TFPI: variants seen among roughly 807,000 people sequenced by gnomAD.
TFPI encodes the protein tissue factor pathway inhibitor.
Under a neutral mutation model 34.6 loss-of-function variants are expected in TFPI, and 15 were observed. That is an observed-to-expected ratio of 0.43 (90% CI 0.29 to 0.67). The LOEUF (loss-of-function observed/expected upper bound fraction) is 0.67. Ranked by LOEUF, TFPI falls within the 30% of genes least tolerant of loss-of-function variation. The pLI is 0.15. For synonymous variants in TFPI, 105 were observed against 120.1 expected, an observed-to-expected ratio of 0.87 and a Z score of 0.82; for missense variants, 301 against 364.0, an observed-to-expected ratio of 0.83 and a Z score of 1.41.
At chr2:187,499,584 TCTGA>T (rs1358498043) in intron 2 of TFPI, 1 of 152,124 alleles carries the variant, frequency 6.6e-6, no homozygotes, top group Non-Finnish European at 1.5e-5. Context: ...AAGTGGTGTG[TCTGA>T]CTTACAGCAG....
intron 1 of TFPI, among the ~76,000 whole-genome samples, chr2:187,537,455 C>T (rs187272423): frequency 2.0e-5 from 3 of 152,324 alleles, no homozygotes; most frequent in Middle Eastern, 3.4e-3. Flanking sequence ...TCCATCTGAT[C>T]TTTGACACAC....
intron 6 of TFPI, among the ~76,000 whole-genome samples, chr2:187,469,823 A>G (rs772218571): frequency 6.6e-6 from 1 of 152,176 alleles, no homozygotes; most frequent in Non-Finnish European, 1.5e-5. Context: ...TCCTGTCACT[A>G]AGAATCATTT....
At chr2:187,518,194 T>C (rs546576730) in intron 1 of TFPI, 2 of 152,380 alleles carry the variant, frequency 1.3e-5, no homozygotes, top group East Asian at 3.9e-4. Flanking sequence ...TAATGCTAGC[T>C]GGTTATCTTG....
intron 6 of TFPI, among the ~76,000 whole-genome samples, chr2:187,480,515 G>A (rs1692773955): frequency 6.6e-6 from 1 of 152,106 alleles, no homozygotes; most frequent in Non-Finnish European, 1.5e-5. Flanking sequence ...GAAGAGTTGG[G>A]AATTTAACGC....
chr2:187,502,972 TAATACC>T (rs1685951519), intron 2 of TFPI, among the ~76,000 whole-genome samples: 2 of 152,154 alleles, frequency 1.3e-5, no homozygotes, highest in Admixed American at 1.3e-4. Context: ...ATTCTCTCAT[TAATACC>T]AATGCTTGAG....
At chr2:187,498,562 T>C (rs1574431487) in intron 2 of TFPI, among the ~76,000 whole-genome samples, 1 of 152,030 alleles carries the variant, frequency 6.6e-6, no homozygotes, top group Non-Finnish European at 1.5e-5. Context: ...ATTTTCATGC[T>C]GTTTGATTCA....
At chr2:187,484,387 A>T (rs1693103593) in intron 5 of TFPI, 171 bp from the exon 6 acceptor site, 1 of 593,396 alleles carries the variant, frequency 1.7e-6, no homozygotes, top group Non-Finnish European at 2.9e-6. Flanking sequence ...TAATATTTCC[A>T]TGAGTAACTG....
chr2:187,527,522 G>A (rs1011338981), intron 1 of TFPI, among the ~76,000 whole-genome samples: 1 of 152,146 alleles, frequency 6.6e-6, no homozygotes, highest in Non-Finnish European at 1.5e-5. Context: ...ATTCTAACAA[G>A]TCGGCACAGA....
chr2:187,473,026 A>G (rs1692149081), intron 6 of TFPI, among the ~76,000 whole-genome samples: 1 of 152,184 alleles, frequency 6.6e-6, no homozygotes, highest in Non-Finnish European at 1.5e-5. Context: ...AAAAAAAGAA[A>G]GAAAAACATA....
chr2:187,493,318 G>A (rs1685246804), intron 3 of TFPI, among the ~76,000 whole-genome samples: 1 of 152,126 alleles, frequency 6.6e-6, no homozygotes, highest in African/African-American at 2.4e-5. Flanking sequence ...TGGCTGGAGT[G>A]GCTGGGACAC....
At chr2:187,503,624 A>T in intron 2 of TFPI, 24 bp downstream of exon 2, 1 of 1,606,468 alleles carries the variant, frequency 6.2e-7, no homozygotes, top group Non-Finnish European at 8.5e-7. Context: ...TAGCTTAAAA[A>T]GATAATTGCT....
intron 1 of TFPI, among the ~76,000 whole-genome samples, chr2:187,506,185 A>G (rs1352964123): frequency 6.6e-6 from 1 of 152,036 alleles, no homozygotes; most frequent in African/African-American, 2.4e-5. Context: ...GCTTTCTTAA[A>G]ATTAGAAAAC....
intron 7 of TFPI, among the ~76,000 whole-genome samples, chr2:187,467,359 T>C (rs1002207674): frequency 6.6e-6 from 1 of 151,986 alleles, no homozygotes; most frequent in African/African-American, 2.4e-5. Context: ...CAGATAGTTT[T>C]TATTTGCATT....
At chr2:187,493,709 G>C (rs193179616) in intron 3 of TFPI, among the ~76,000 whole-genome samples, 1 of 152,218 alleles carries the variant, frequency 6.6e-6, no homozygotes, top group East Asian at 1.9e-4. Context: ...ATTTCTTCAA[G>C]TTCAACATTC....
At chr2:187,540,410 T>C (rs909301118) in intron 1 of TFPI, among the ~76,000 whole-genome samples, 4 of 152,122 alleles carry the variant, frequency 2.6e-5, no homozygotes, top group Non-Finnish European at 5.9e-5. Flanking sequence ...ATGACAGCTG[T>C]GAACTGGAAG....
chr2:187,496,467 A>G (rs1685485242), intron 3 of TFPI, among the ~76,000 whole-genome samples: 1 of 152,098 alleles, frequency 6.6e-6, no homozygotes, highest in Admixed American at 6.6e-5. Context: ...AATACTTCAC[A>G]ATTCTTTGAA....
At chr2:187,516,588 A>G (rs1034725194) in intron 1 of TFPI, 2 of 152,206 alleles carry the variant, frequency 1.3e-5, no homozygotes, top group Admixed American at 6.5e-5. Flanking sequence ...ACTCCCACTA[A>G]TGAGAGAGGT....
At chr2:187,553,569 C>G (rs567985250) in intron 1 of TFPI, among the ~76,000 whole-genome samples, 2 of 152,214 alleles carry the variant, frequency 1.3e-5, no homozygotes, top group East Asian at 3.9e-4. Flanking sequence ...GGCATGTTAT[C>G]TATTGTTTTA....
intron 1 of TFPI, among the ~76,000 whole-genome samples, chr2:187,548,067 C>CT (rs1456009840): frequency 6.6e-6 from 1 of 151,942 alleles, no homozygotes; most frequent in Non-Finnish European, 1.5e-5. Flanking sequence ...TAATGCTCAG[C>CT]TTTAAAGACA....
Sources: allele counts gnomAD v4.1 joint callset (sites outside exome capture counted in the v4.1 genomes callset), GRCh38; gene constraint gnomAD v4.1.1; transcripts MANE v1.5; gene names NCBI Gene and HGNC (gene_info 2026-07-23, HGNC 2026-07-21).